Variants in TASP1 observed in about 807,000 individuals in gnomAD.
TASP1 encodes the protein threonine aspartase 1.
In TASP1, 16 loss-of-function variants were observed where a neutral mutation model predicts 56.6. The ratio of observed to expected loss-of-function variants is 0.28; its 90% confidence interval spans 0.19 to 0.43. The LOEUF is 0.43. Among genes scored for constraint, TASP1 ranks in the 20% least tolerant of loss-of-function variants. The probability of loss-of-function intolerance (pLI) is 1.00; values close to 1 mark genes in which losing one functional copy is unlikely to be tolerated. For synonymous variants in TASP1, 179 were observed against 184.2 expected, an observed-to-expected ratio of 0.97 and a Z score of 0.23; for missense variants, 393 against 511.6, an observed-to-expected ratio of 0.77 and a Z score of 2.24.
At chr20:13,430,536 T>C (rs961829403) in intron 12 of TASP1, among the ~76,000 whole-genome samples, 1 of 152,214 alleles carries the variant, frequency 6.6e-6, no homozygotes, top group Non-Finnish European at 1.5e-5. Context: ...CCTCATGACA[T>C]GGCAGTTGGT....
intron 6 of TASP1, among the ~76,000 whole-genome samples, chr20:13,570,906 A>G (rs961854261): frequency 1.3e-5 from 2 of 152,140 alleles, no homozygotes; most frequent in African/African-American, 4.8e-5. Context: ...GATAAAAGAA[A>G]TAATTCTGTT....
chr20:13,616,417 T>C (rs1377758043), intron 4 of TASP1, among the ~76,000 whole-genome samples: 1 of 152,172 alleles, frequency 6.6e-6, no homozygotes, highest in Non-Finnish European at 1.5e-5. Context: ...CCCTCTCTTC[T>C]ACTAGATTCA....
At chr20:13,152,214 G>A in the TASP1 span, among the ~76,000 whole-genome samples, 1 of 152,078 alleles carries the variant, frequency 6.6e-6, no homozygotes, top group African/African-American at 2.4e-5. Context: ...TATAACATAG[G>A]ATTACAGTTC....
chr20:13,192,315 T>C, the TASP1 span, among the ~76,000 whole-genome samples: 10 of 152,134 alleles, frequency 6.6e-5, no homozygotes, highest in Non-Finnish European at 1.5e-4. Context: ...AGAGGGTGGA[T>C]AGCTTGAGCC....
At chr20:13,629,718 G>A (rs1284634812) in intron 2 of TASP1, among the ~76,000 whole-genome samples, 1 of 152,152 alleles carries the variant, frequency 6.6e-6, no homozygotes, top group Non-Finnish European at 1.5e-5. Context: ...GGTTAGGGAA[G>A]TGAAAACCTA....
the TASP1 span, among the ~76,000 whole-genome samples, chr20:13,261,435 A>G: frequency 6.6e-6 from 1 of 152,108 alleles, no homozygotes; most frequent in African/African-American, 2.4e-5. Flanking sequence ...CAAAAAAAAA[A>G]AAAAGAAAAA....
At chr20:13,444,105 G>A (rs890205905) in intron 11 of TASP1, among the ~76,000 whole-genome samples, 1 of 152,130 alleles carries the variant, frequency 6.6e-6, no homozygotes, top group African/African-American at 2.4e-5. Flanking sequence ...TCTCTGATGT[G>A]CATGTATAGT....
At chr20:13,109,710 C>T in the TASP1 span, among the ~76,000 whole-genome samples, 1 of 152,220 alleles carries the variant, frequency 6.6e-6, no homozygotes, top group African/African-American at 2.4e-5. Context: ...CTCAGCTAAA[C>T]TCTAACATGC....
the TASP1 span, among the ~76,000 whole-genome samples, chr20:13,105,561 C>T: frequency 1.3e-5 from 2 of 152,136 alleles, no homozygotes; most frequent in Non-Finnish European, 2.9e-5. Flanking sequence ...CTGGATTAAT[C>T]CATCGTGTTT....
the TASP1 span, among the ~76,000 whole-genome samples, chr20:13,342,653 G>T: frequency 6.6e-6 from 1 of 152,286 alleles, no homozygotes; most frequent in Non-Finnish European, 1.5e-5. Flanking sequence ...AGGAATGAGC[G>T]GAACTCCCAG....
At chr20:13,370,033 A>G in the TASP1 span, among the ~76,000 whole-genome samples, 8 of 152,318 alleles carry the variant, frequency 5.3e-5, no homozygotes, top group Middle Eastern at 3.4e-3. Flanking sequence ...TGCCTCATCT[A>G]TCCCATCAAA....
At chr20:13,221,871 G>C in the TASP1 span, 1 of 1,414,324 alleles carries the variant, frequency 7.1e-7, no homozygotes. Flanking sequence ...GCCGCCGACG[G>C]GCCCGACGCG....
At chr20:13,458,693 C>T (rs914001008) in intron 11 of TASP1, among the ~76,000 whole-genome samples, 5 of 152,072 alleles carry the variant, frequency 3.3e-5, no homozygotes, top group Admixed American at 1.3e-4. Flanking sequence ...AAGAATCATT[C>T]ACTTTCTTGA....
the TASP1 span, among the ~76,000 whole-genome samples, chr20:13,169,679 CA>C: frequency 2.6e-5 from 4 of 152,134 alleles, no homozygotes; most frequent in Non-Finnish European, 5.9e-5. Flanking sequence ...CTAATTGATC[CA>C]TTTTTTTTAA....
the TASP1 span, among the ~76,000 whole-genome samples, chr20:13,381,167 C>T: frequency 3.0e-4 from 45 of 152,292 alleles, no homozygotes; most frequent in African/African-American, 1.0e-3. Flanking sequence ...CCCAAACAGC[C>T]GCCCAGTTTT....
chr20:13,558,578 G>A (rs536217862), intron 8 of TASP1, among the ~76,000 whole-genome samples: 26 of 152,068 alleles, frequency 1.7e-4, no homozygotes, highest in African/African-American at 6.3e-4. Context: ...AACTTGGTAT[G>A]TAAATTTACT....
chr20:13,292,520 T>G, the TASP1 span: 12 of 1,149,438 alleles, frequency 1.0e-5, no homozygotes, highest in Admixed American at 2.3e-4. Flanking sequence ...GAGATTCCTT[T>G]TGCTTTTGCA....
At chr20:13,339,042 C>G in the TASP1 span, among the ~76,000 whole-genome samples, 1 of 152,106 alleles carries the variant, frequency 6.6e-6, no homozygotes, top group Non-Finnish European at 1.5e-5. Flanking sequence ...AGGAAAAGAG[C>G]GATTTGCCCA....
chr20:13,601,690 G>A (rs912201715), intron 4 of TASP1, among the ~76,000 whole-genome samples: 4 of 151,858 alleles, frequency 2.6e-5, no homozygotes, highest in African/African-American at 7.3e-5. Context: ...ATGTGTAGAG[G>A]GAAAAAAGAA....
Sources: allele counts gnomAD v4.1 joint callset (sites outside exome capture counted in the v4.1 genomes callset), GRCh38; gene constraint gnomAD v4.1.1; transcripts MANE v1.5; gene names NCBI Gene and HGNC (gene_info 2026-07-23, HGNC 2026-07-21).